CHRNB3: variants seen among roughly 807,000 people sequenced by gnomAD.
CHRNB3 encodes neuronal acetylcholine receptor subunit beta-3.
A neutral mutation model predicts 40.6 loss-of-function variants in CHRNB3; 37 were observed. The observed-to-expected ratio is 0.91, with a 90% CI of 0.70 to 1.20. The LOEUF (loss-of-function observed/expected upper bound fraction) is 1.20, where lower values mean the gene tolerates loss of function less well. Among genes scored for constraint, CHRNB3 ranks in the 50% most tolerant of loss-of-function variants. The probability of loss-of-function intolerance (pLI) is 0.00; values close to 1 mark genes in which losing one functional copy is unlikely to be tolerated. For missense variants in CHRNB3, 505 were observed against 551.2 expected (o/e 0.92, Z 0.84); for synonymous variants, 207 against 207.1 (o/e 1.00, Z 0.00).
intron 5 of CHRNB3, among the ~76,000 whole-genome samples, chr8:42,733,733 C>CA (rs1299124174): frequency 6.6e-6 from 1 of 150,606 alleles, no homozygotes; most frequent in East Asian, 2.0e-4. Flanking sequence ...GCTGGGACTA[C>CA]AGGTACACAC....
intron 1 of CHRNB3, among the ~76,000 whole-genome samples, chr8:42,705,093 G>A (rs1319003479): frequency 6.6e-6 from 1 of 152,126 alleles, no homozygotes; most frequent in Non-Finnish European, 1.5e-5. Context: ...AAAGAAGGAG[G>A]CAGACATGTC....
Position 42,697,482 on chromosome 8 carries a change from C to G in CHRNB3, c.-65C>G. On this transcript the variant is annotated 5_prime_UTR_variant, in exon 1 of 6. Coordinates refer to ENST00000289957, the MANE Select transcript of CHRNB3 (RefSeq NM_000749.5). ...CCCTGTATTTTCTTTTCAAAACCCC[C>G]TTTTCCAGTGGAAATGCTCTGTTGT... 6.9e-7 allele frequency: 1 copy of G among 1,441,460 alleles called. No individual in the cohort carries two copies. The highest frequency in any genetic ancestry group is 9.8e-7 in the Non-Finnish European group (1 of 1,024,460). The allele number at this position is 1,441,460 out of a possible 1,614,324, so 89.3% of individuals were successfully genotyped here.
chr8:42,727,646 C>T (rs1292946051), intron 3 of CHRNB3, among the ~76,000 whole-genome samples: 4 of 151,860 alleles, frequency 2.6e-5, no homozygotes, highest in Non-Finnish European at 4.4e-5. Context: ...TGGTGGGCCA[C>T]GAGGTCAAGA....
At chr8:42,701,024 TGGA>T (rs1815784878) in intron 1 of CHRNB3, among the ~76,000 whole-genome samples, 1 of 151,092 alleles carries the variant, frequency 6.6e-6, no homozygotes, top group South Asian at 2.1e-4. Context: ...AGTCAGGAGG[TGGA>T]GACCATCCTG....
chr8:42,734,259 CAAAAAAAAAAA>C (rs769371275), intron 5 of CHRNB3, among the ~76,000 whole-genome samples: 2 of 23,970 alleles, frequency 8.3e-5, no homozygotes, highest in East Asian at 1.7e-3. Context: ...GACTCCATCT[CAAAAAAAAAAA>C]AAAAAAAAAA....
At chr8:42,735,900 G>A (rs1029623164) in intron 5 of CHRNB3, among the ~76,000 whole-genome samples, 21 of 152,264 alleles carry the variant, frequency 1.4e-4, no homozygotes, top group African/African-American at 4.3e-4. Flanking sequence ...CTTTTCATAC[G>A]TGTATCAGGA....
intron 5 of CHRNB3, among the ~76,000 whole-genome samples, chr8:42,734,568 C>G (rs533751002): frequency 1.3e-5 from 2 of 151,238 alleles, no homozygotes; most frequent in Admixed American, 6.6e-5. Flanking sequence ...TACAGGCACC[C>G]GCCACCACGC....
At chr8:42,711,960 T>A (rs1316782372) in intron 3 of CHRNB3, among the ~76,000 whole-genome samples, 2 of 151,996 alleles carry the variant, frequency 1.3e-5, no homozygotes, top group Admixed American at 1.3e-4. Flanking sequence ...ACATGTAATA[T>A]TTGATTTTCT....
Position 42,697,477 on chromosome 8 carries a change from A to C in CHRNB3, c.-70A>C. 7.2e-7 allele frequency: 1 copy of C among 1,383,424 alleles called. No homozygotes were observed. Among genetic ancestry groups the C allele is most frequent in the Non-Finnish European group, 1.0e-6 (1 of 972,564 alleles). 85.7% of individuals were successfully genotyped at this position (1,383,424 alleles called of 1,614,324 possible). ...TGAACCCCTGTATTTTCTTTTCAAAACCCCCTTTTCCAGTGGAAATGCTCT... is the reference window on the plus strand; with the variant it reads ...TGAACCCCTGTATTTTCTTTTCAAACCCCCCTTTTCCAGTGGAAATGCTCT... On this transcript the variant is annotated 5_prime_UTR_variant, in exon 1 of 6. Transcript: ENST00000289957.
Position 42,733,100 on chromosome 8 carries a change from C to T in CHRNB3, c.1242+551C>T, listed in dbSNP as rs559370447. ...ATCCCAGCACTTTGGGAGGCCAAAG[C>T]GGGTGTATCACTTGAGTGCAGGAGA... On this transcript the variant is annotated intron_variant, in intron 5 of 5. Transcript: ENST00000289957. Among the ~76,000 whole-genome samples, 27 of 151,694 alleles carry T rather than the reference C, an allele frequency of 1.8e-4. 1 individual carries two copies. In the East Asian group the frequency reaches 3.9e-3, roughly 22 times the overall value.
At chr8:42,731,162 A>G (rs113083645) in intron 4 of CHRNB3, among the ~76,000 whole-genome samples, 1 of 152,138 alleles carries the variant, frequency 6.6e-6, no homozygotes, top group East Asian at 1.9e-4. Context: ...TAACACTAGG[A>G]ATAGAAAATT....
chr8:42,730,419 G>C (rs563257921), intron 3 of CHRNB3, among the ~76,000 whole-genome samples, 175 bp from the exon 4 acceptor site: 4 of 152,276 alleles, frequency 2.6e-5, no homozygotes, highest in African/African-American at 9.6e-5. Flanking sequence ...CAGAGGCCAG[G>C]CTGGCTCAAG....
intron 1 of CHRNB3, among the ~76,000 whole-genome samples, chr8:42,700,346 C>T (rs1386127527): frequency 1.4e-5 from 2 of 139,984 alleles, no homozygotes; most frequent in South Asian, 2.3e-4. Context: ...TTTTTTGAGA[C>T]GGAATCTCGC....
intron 1 of CHRNB3, among the ~76,000 whole-genome samples, chr8:42,708,353 G>A (rs1815953094): frequency 6.6e-6 from 1 of 151,910 alleles, no homozygotes; most frequent in African/African-American, 2.4e-5. Context: ...GTAGTCCCAG[G>A]TACTCGAGAG....
intron 3 of CHRNB3, among the ~76,000 whole-genome samples, chr8:42,721,126 A>G (rs1230996114): frequency 1.3e-5 from 2 of 152,240 alleles, no homozygotes; most frequent in Non-Finnish European, 2.9e-5. Context: ...ATGTGCTTGC[A>G]GCGTGCTGCA....
chr8:42,710,221 G>A (rs10108555), intron 2 of CHRNB3, among the ~76,000 whole-genome samples, 169 bp from the exon 3 acceptor site: 50 of 152,228 alleles, frequency 3.3e-4, no homozygotes, highest in African/African-American at 1.2e-3. Context: ...TGGGGGCTGG[G>A]GTGTGAGAAT....
At chr8:42,719,572 A>G (rs557330981) in intron 3 of CHRNB3, among the ~76,000 whole-genome samples, 1 of 152,252 alleles carries the variant, frequency 6.6e-6, no homozygotes, top group African/African-American at 2.4e-5. Flanking sequence ...GTTTGAGCCC[A>G]GGAGGTTGAA....
chr8:42,702,984 C>T (rs1815841928), intron 1 of CHRNB3, among the ~76,000 whole-genome samples: 1 of 152,196 alleles, frequency 6.6e-6, no homozygotes, highest in Non-Finnish European at 1.5e-5. Context: ...CAAGGCTCCT[C>T]TCGATGCCCC....
intron 3 of CHRNB3, among the ~76,000 whole-genome samples, chr8:42,728,812 C>T (rs112698102): frequency 7.2e-5 from 11 of 152,102 alleles, no homozygotes; most frequent in African/African-American, 2.7e-4. Context: ...TAACTGTAAA[C>T]CAAAGAGTGA....
Sources: gnomAD v4.1 joint callset for allele counts (sites outside exome capture counted in the v4.1 genomes callset) on GRCh38, gnomAD v4.1.1 for gene constraint, MANE v1.5 for transcripts, NCBI Gene and HGNC (gene_info 2026-07-23, HGNC 2026-07-21) for gene names.